Variants in ACOXL observed in about 807,000 individuals in gnomAD.
The protein encoded by ACOXL is acyl-CoA oxidase like, also known as acyl-coenzyme A oxidase-like protein.
ACOXL carries 70 observed loss-of-function variants against 71.9 expected under a neutral mutation model. The ratio of observed to expected loss-of-function variants is 0.97; its 90% CI spans 0.80 to 1.19. The LOEUF (loss-of-function observed/expected upper bound fraction) is 1.19. Ranked by LOEUF, ACOXL falls within the 50% of genes most tolerant of loss-of-function variation. The pLI is 0.00. For missense variants in ACOXL, 703 were observed against 736.3 expected, an observed-to-expected ratio of 0.95 and a Z score of 0.52; for synonymous variants, 253 against 281.6, an observed-to-expected ratio of 0.90 and a Z score of 1.02.
intron 1 of ACOXL, among the ~76,000 whole-genome samples, chr2:110,749,892 T>C (rs1166138530): frequency 6.6e-6 from 1 of 152,224 alleles, no homozygotes; most frequent in Non-Finnish European, 1.5e-5. Flanking sequence ...CCTCTGTCTT[T>C]CATGCTTTCC....
chr2:110,931,009 C>A (rs2060461927), intron 11 of ACOXL, among the ~76,000 whole-genome samples: 1 of 152,160 alleles, frequency 6.6e-6, no homozygotes, highest in Admixed American at 6.5e-5. Flanking sequence ...TAAACAAATA[C>A]CTTGCATTTC....
chr2:110,953,467 G>A (rs1320138017), intron 12 of ACOXL, among the ~76,000 whole-genome samples: 3 of 152,124 alleles, frequency 2.0e-5, no homozygotes, highest in South Asian at 2.1e-4. Context: ...AGAGGAGTGC[G>A]TCTTCTGCAA....
intron 12 of ACOXL, among the ~76,000 whole-genome samples, chr2:110,975,646 CACA>C (rs372268186): frequency 5.3e-4 from 81 of 151,962 alleles, no homozygotes; most frequent in Middle Eastern, 3.4e-3. Context: ...GATGCACAAA[CACA>C]ACAACAGGCA....
chr2:111,104,004 C>A (rs2069356512), intron 17 of ACOXL, among the ~76,000 whole-genome samples: 1 of 152,146 alleles, frequency 6.6e-6, no homozygotes, highest in African/African-American at 2.4e-5. Context: ...CTCTTTAATC[C>A]CAGGTGACTA....
chr2:111,090,072 A>G (rs2068437807), intron 16 of ACOXL, among the ~76,000 whole-genome samples: 1 of 152,170 alleles, frequency 6.6e-6, no homozygotes, highest in African/African-American at 2.4e-5. Flanking sequence ...TATTGTCTGG[A>G]AGCTTTCATA....
At chr2:110,799,755 C>A (rs1394142721) in intron 7 of ACOXL, among the ~76,000 whole-genome samples, 2 of 152,124 alleles carry the variant, frequency 1.3e-5, no homozygotes, top group Non-Finnish European at 2.9e-5. Context: ...GTGAAACGCA[C>A]CAGTCAGTGC....
At chr2:110,734,835 G>C (rs951772101) in intron 1 of ACOXL, among the ~76,000 whole-genome samples, 27 of 152,026 alleles carry the variant, frequency 1.8e-4, no homozygotes, top group African/African-American at 6.3e-4. Flanking sequence ...AAGGGGTCCA[G>C]TGTGGCAGTT....
At chr2:110,926,016 A>G (rs114405535) in intron 11 of ACOXL, among the ~76,000 whole-genome samples, 3,629 of 152,122 alleles carry the variant, frequency 0.024, 167 homozygotes, top group African/African-American at 0.085. Context: ...CGGGAGAGAG[A>G]CGGGGAAATG....
intron 10 of ACOXL, among the ~76,000 whole-genome samples, chr2:110,865,323 G>A (rs1694444674): frequency 6.6e-6 from 1 of 152,212 alleles, no homozygotes; most frequent in Non-Finnish European, 1.5e-5. Flanking sequence ...GGGTTGGGCT[G>A]GAGCCAGCCC....
In ACOXL at chr2:110,826,151, A is replaced by G. The variant is rs2612701; in HGVS notation, c.754-15220A>G. Among the ~76,000 whole-genome samples the G allele has an allele frequency of 1.6e-3, 243 of 152,318 alleles. 1 individual carries two copies. Among genetic ancestry groups the G allele is most frequent in the South Asian group, 5.6e-3 (27 of 4,816 alleles). ...CTTTGGATAAAAATATAGCACATTA[A>G]AGGAAAGCTTCATCTTTTTGCTGCC... On this transcript the variant is annotated intron_variant, in intron 9 of 17. Coordinates refer to ENST00000439055, the MANE Select transcript of ACOXL (RefSeq NM_001142807.4).
At chr2:110,835,785 C>T (rs751131599) in intron 9 of ACOXL, among the ~76,000 whole-genome samples, 3 of 152,194 alleles carry the variant, frequency 2.0e-5, no homozygotes, top group Non-Finnish European at 2.9e-5. Context: ...TCAAACTTGA[C>T]GCTTGTAGAA....
chr2:110,978,855 T>C (rs2062576655), intron 12 of ACOXL, among the ~76,000 whole-genome samples: 1 of 152,224 alleles, frequency 6.6e-6, no homozygotes, highest in East Asian at 1.9e-4. Flanking sequence ...TTTCATTCTT[T>C]ATTTTGTCAC....
rs912254963 is a variant in ACOXL at position 110,766,645 on chromosome 2, C to A, written c.-22-1723C>A. The stretch of plus-strand genomic sequence containing the variant: ...AAGTGCCAACTGACCCTCTCTCCTA[C>A]CACCTCCTTTTTCCTTGTTAATACC... On this transcript the variant is annotated intron_variant, in intron 1 of 17. Coordinates refer to ENST00000439055, the MANE Select transcript of ACOXL (RefSeq NM_001142807.4). Among the ~76,000 whole-genome samples the A allele has an allele frequency of 3.9e-5, 6 of 152,168 alleles. No homozygotes were observed. In the South Asian group the frequency reaches 1.2e-3, roughly 32 times the overall value.
chr2:111,090,756 A>T (rs986948154), intron 16 of ACOXL, among the ~76,000 whole-genome samples: 21 of 152,176 alleles, frequency 1.4e-4, no homozygotes, highest in Non-Finnish European at 2.5e-4. Flanking sequence ...ATCAGATGGG[A>T]CTGGACAAGA....
At chr2:110,997,984 G>T (rs1281431178) in intron 14 of ACOXL, among the ~76,000 whole-genome samples, 1 of 152,116 alleles carries the variant, frequency 6.6e-6, no homozygotes, top group Non-Finnish European at 1.5e-5. Flanking sequence ...CTGGGAGTCA[G>T]TGGTTGCAGT....
intron 12 of ACOXL, among the ~76,000 whole-genome samples, chr2:110,944,938 G>A (rs143452101): frequency 2.6e-5 from 4 of 152,180 alleles, no homozygotes; most frequent in African/African-American, 2.4e-5. Context: ...TTTCACAGTG[G>A]CTGAACCAAT....
chr2:110,962,255 A>G (rs2061727694), intron 12 of ACOXL, among the ~76,000 whole-genome samples: 1 of 152,240 alleles, frequency 6.6e-6, no homozygotes, highest in Non-Finnish European at 1.5e-5. Flanking sequence ...AGTCCACTGT[A>G]GCCTTATGCG....
At chr2:110,968,523 CG>C (rs2149477275) in intron 12 of ACOXL, 2 of 1,269,824 alleles carry the variant, frequency 1.6e-6, no homozygotes, top group Admixed American at 1.7e-5. Flanking sequence ...CAAAGAACAG[CG>C]TAACTCCAGA....
chr2:110,927,478 T>G (rs1181030365), intron 11 of ACOXL, among the ~76,000 whole-genome samples: 1 of 152,160 alleles, frequency 6.6e-6, no homozygotes, highest in Non-Finnish European at 1.5e-5. Context: ...GTGGCCTTTC[T>G]TATAGACGTC....
Sources: gnomAD v4.1 joint callset for allele counts (sites outside exome capture counted in the v4.1 genomes callset) on GRCh38, gnomAD v4.1.1 for gene constraint, MANE v1.5 for transcripts, NCBI Gene and HGNC (gene_info 2026-07-23, HGNC 2026-07-21) for gene names.